Variants in ZFHX3 observed in about 807,000 individuals in gnomAD.
ZFHX3 encodes zinc finger homeobox 3.
ZFHX3 carries 42 observed loss-of-function variants against 279.1 expected under a neutral mutation model. The ratio of observed to expected loss-of-function variants is 0.15; its 90% confidence interval spans 0.12 to 0.19. The LOEUF (loss-of-function observed/expected upper bound fraction) is 0.19, where lower values mean the gene tolerates loss of function less well. Among genes scored for constraint, ZFHX3 ranks in the 10% least tolerant of loss-of-function variants. ZFHX3 has a pLI of 1.00. For missense variants in ZFHX3, 4,981 were observed against 4,754.0 expected (o/e 1.05, Z -1.40); for synonymous variants, 2,293 against 1,957.8 (o/e 1.17, Z -4.52).
chr16:73,327,046 C>T (rs1354614861), intron 3 of ZFHX3, among the ~76,000 whole-genome samples: 1 of 152,200 alleles, frequency 6.6e-6, no homozygotes, highest in Non-Finnish European at 1.5e-5. Context: ...CTTTGAAAGG[C>T]TTTGTCTAAA....
intron 2 of ZFHX3, among the ~76,000 whole-genome samples, chr16:73,506,973 G>A (rs2019337993): frequency 1.3e-5 from 2 of 152,132 alleles, no homozygotes; most frequent in African/African-American, 4.8e-5. Context: ...GCTCCAACCT[G>A]ACCCTTCTCA....
chr16:73,876,259 TG>T (rs1399555804), intron 1 of ZFHX3, among the ~76,000 whole-genome samples: 1 of 152,116 alleles, frequency 6.6e-6, no homozygotes, highest in Non-Finnish European at 1.5e-5. Flanking sequence ...TAGACAGTCA[TG>T]AAAAAAATAT....
chr16:73,532,238 G>A (rs1051706946), intron 2 of ZFHX3, among the ~76,000 whole-genome samples: 12 of 152,278 alleles, frequency 7.9e-5, no homozygotes, highest in Admixed American at 3.9e-4. Flanking sequence ...AATCATGGGG[G>A]TGGTTCTCCC....
chr16:73,679,818 A>T (rs568766241), intron 2 of ZFHX3: 1 of 152,312 alleles, frequency 6.6e-6, no homozygotes, highest in East Asian at 1.9e-4. Flanking sequence ...CTCATGACTT[A>T]CACAGCCAGC....
intron 8 of ZFHX3, among the ~76,000 whole-genome samples, chr16:73,087,942 C>A (rs571142878): frequency 4.6e-5 from 7 of 151,938 alleles, no homozygotes; most frequent in Non-Finnish European, 1.0e-4. Flanking sequence ...GATTCTCCTG[C>A]CTCAGCCTCC....
chr16:72,958,087 C>G lies in ZFHX3; in HGVS notation c.2059G>C (p.Glu687Gln). 1 of 1,614,128 alleles carries G rather than the reference C, an allele frequency of 6.2e-7. No homozygotes were observed. The highest frequency in any genetic ancestry group is 8.5e-7 in the Non-Finnish European group (1 of 1,180,044). Reference sequence around the variant, plus strand: ...GGGTGCTTCTCCTTCATGTGTGCCTCCAGGGTCTGCTGGTACTTATAGTGC... The same window carrying G: ...GGGTGCTTCTCCTTCATGTGTGCCTGCAGGGTCTGCTGGTACTTATAGTGC... Reference protein sequence around the residue: ...NWHYKYQQTLEAHMKEKHPEP... With the variant: ...NWHYKYQQTLQAHMKEKHPEP... Residue 687 changes from glutamate (E) to glutamine (Q), a missense_variant, in exon 2 of 10, where the codon GAG becomes CAG. Physicochemically the swap from Glu to Gln is conservative, Grantham distance 29 (BLOSUM62 2). This residue lies in a region of ZFHX3 where 1,068 missense variants were observed against 935.2 expected (regional missense o/e 1.14). Transcript: ENST00000268489.
At chr16:73,278,992 A>G (rs920499891) in intron 4 of ZFHX3, among the ~76,000 whole-genome samples, 2 of 152,188 alleles carry the variant, frequency 1.3e-5, no homozygotes, top group Non-Finnish European at 2.9e-5. Flanking sequence ...TGTTTTTTCT[A>G]CTACTAAGTG....
intron 1 of ZFHX3, among the ~76,000 whole-genome samples, chr16:73,056,829 G>A (rs1234154852): frequency 1.3e-5 from 2 of 152,152 alleles, no homozygotes; most frequent in African/African-American, 2.4e-5. Flanking sequence ...TCTTTCGGAG[G>A]ACCTCCAAAT....
chr16:73,151,266 A>C (rs909423544), intron 5 of ZFHX3, among the ~76,000 whole-genome samples: 5 of 152,226 alleles, frequency 3.3e-5, no homozygotes, highest in Non-Finnish European at 7.3e-5. Flanking sequence ...TATTAAAATA[A>C]AACGTACAAC....
chr16:73,425,217 T>C (rs2017789908), intron 3 of ZFHX3, among the ~76,000 whole-genome samples: 1 of 152,232 alleles, frequency 6.6e-6, no homozygotes, highest in Non-Finnish European at 1.5e-5. Context: ...TCCTGGCAAG[T>C]ACTTTGTAGA....
chr16:73,822,489 T>C (rs1325621077), intron 1 of ZFHX3, among the ~76,000 whole-genome samples: 1 of 152,074 alleles, frequency 6.6e-6, no homozygotes, highest in Admixed American at 6.5e-5. Context: ...TTTTCTCAGG[T>C]TGACTGTCAT....
At chr16:73,238,993 A>G (rs147664928) in intron 5 of ZFHX3, among the ~76,000 whole-genome samples, 5 of 152,248 alleles carry the variant, frequency 3.3e-5, no homozygotes, top group Non-Finnish European at 7.4e-5. Context: ...CTCCCACAGC[A>G]TGACTCCACT....
At chr16:73,359,004 C>A (rs1261866812) in intron 3 of ZFHX3, among the ~76,000 whole-genome samples, 1 of 152,104 alleles carries the variant, frequency 6.6e-6, no homozygotes, top group Non-Finnish European at 1.5e-5. Context: ...ATAAATGCTG[C>A]CTATTATCAT....
At chr16:73,556,239 A>T (rs1316509858) in intron 2 of ZFHX3, among the ~76,000 whole-genome samples, 2 of 152,180 alleles carry the variant, frequency 1.3e-5, no homozygotes, top group African/African-American at 4.8e-5. Flanking sequence ...AGGCACACCG[A>T]GCCCAGAGAC....
chr16:73,463,011 A>T (rs1316479703), intron 2 of ZFHX3, among the ~76,000 whole-genome samples: 1 of 152,068 alleles, frequency 6.6e-6, no homozygotes, highest in Non-Finnish European at 1.5e-5. Context: ...TGTTTGTCAG[A>T]ATTCTTCAGT....
intron 7 of ZFHX3, among the ~76,000 whole-genome samples, chr16:73,104,304 C>T (rs536487688): frequency 1.3e-5 from 2 of 152,226 alleles, no homozygotes; most frequent in East Asian, 1.9e-4. Flanking sequence ...GATCTTAGTT[C>T]GATGCAACCT....
chr16:73,836,065 A>C (rs1277892699), intron 1 of ZFHX3, among the ~76,000 whole-genome samples: 1 of 152,218 alleles, frequency 6.6e-6, no homozygotes, highest in African/African-American at 2.4e-5. Flanking sequence ...GAAAGCTTTC[A>C]CTCGAGGATG....
chr16:73,032,101 G>A (rs1644218537), intron 1 of ZFHX3, among the ~76,000 whole-genome samples: 1 of 152,166 alleles, frequency 6.6e-6, no homozygotes, highest in Non-Finnish European at 1.5e-5. Context: ...AGCACTTTGG[G>A]ATGCCGAGGA....
intron 4 of ZFHX3, among the ~76,000 whole-genome samples, chr16:73,306,883 C>T (rs921014747): frequency 7.2e-5 from 11 of 152,168 alleles, no homozygotes; most frequent in Non-Finnish European, 1.5e-4. Context: ...TGATCAATTT[C>T]CCAGCTTAGA....
Sources: allele counts gnomAD v4.1 joint callset (sites outside exome capture counted in the v4.1 genomes callset), GRCh38; gene constraint gnomAD v4.1.1; regional missense constraint gnomAD v4.1.1; transcripts MANE v1.5; gene names NCBI Gene and HGNC (gene_info 2026-07-23, HGNC 2026-07-21).